The following GABRR1 variants were observed in gnomAD, a reference collection of about 807,000 sequenced individuals.
The protein encoded by GABRR1 is gamma-aminobutyric acid receptor subunit rho-1.
Under a neutral mutation model 55.5 loss-of-function variants are expected in GABRR1, and 59 were observed. That is an observed-to-expected ratio of 1.06 (90% CI 0.86 to 1.32). GABRR1 has a LOEUF of 1.32. Ranked by LOEUF, GABRR1 falls within the 40% of genes most tolerant of loss-of-function variation. The pLI is 0.00. For synonymous variants in GABRR1, 213 were observed against 226.0 expected (o/e 0.94, Z 0.51); for missense variants, 602 against 619.1 (o/e 0.97, Z 0.29).
At chr6:89,222,481 G>A (rs927865511) in intron 1 of GABRR1, among the ~76,000 whole-genome samples, 3 of 152,196 alleles carry the variant, frequency 2.0e-5, no homozygotes, top group African/African-American at 4.8e-5. Context: ...ACATCAGTCA[G>A]ACCGTTAATA....
chr6:89,180,262 C>T (rs768636581), intron 9 of GABRR1, 30 bp downstream of exon 9: 3 of 1,558,720 alleles, frequency 1.9e-6, no homozygotes, highest in Non-Finnish European at 2.6e-6. Flanking sequence ...TCCATCCTGA[C>T]CAGACACTAT....
intron 5 of GABRR1, among the ~76,000 whole-genome samples, chr6:89,191,883 A>G (rs112149817): frequency 6.6e-6 from 1 of 152,046 alleles, no homozygotes; most frequent in African/African-American, 2.4e-5. Context: ...AGCTAAGATA[A>G]AAGTTGGCAT....
intron 9 of GABRR1, 128 bp downstream of exon 9, chr6:89,180,164 C>A: frequency 1.0e-6 from 1 of 958,916 alleles, no homozygotes; most frequent in Non-Finnish European, 1.5e-6. Context: ...TTCACAACAA[C>A]CCTGTGAAGT....
chr6:89,184,240 TC>T (rs1771820492), intron 7 of GABRR1, among the ~76,000 whole-genome samples: 1 of 117,296 alleles, frequency 8.5e-6, no homozygotes, highest in African/African-American at 3.6e-5. Context: ...AGAGTGAGAC[TC>T]CGTCTCAAAA....
intron 1 of GABRR1, among the ~76,000 whole-genome samples, chr6:89,213,332 T>C (rs1228839920): frequency 6.6e-6 from 1 of 152,214 alleles, no homozygotes; most frequent in Non-Finnish European, 1.5e-5. Flanking sequence ...GGAGTCTGGA[T>C]GAAATTAAGT....
At chr6:89,216,856 A>G (rs1301033401) in intron 1 of GABRR1, among the ~76,000 whole-genome samples, 1 of 152,230 alleles carries the variant, frequency 6.6e-6, no homozygotes, top group African/African-American at 2.4e-5. Flanking sequence ...GAGAATTCAC[A>G]GAGTTGTTCT....
At chr6:89,179,559 TC>T (rs1292030962) in intron 9 of GABRR1, among the ~76,000 whole-genome samples, 1 of 152,184 alleles carries the variant, frequency 6.6e-6, no homozygotes, top group African/African-American at 2.4e-5. Flanking sequence ...ACATACTGAC[TC>T]TTAGAAAATA....
chr6:89,210,289 G>A (rs919467305), intron 1 of GABRR1, among the ~76,000 whole-genome samples: 3 of 148,294 alleles, frequency 2.0e-5, no homozygotes, highest in Admixed American at 6.9e-5. Flanking sequence ...GACCTCCCAG[G>A]CTCAAGTGAT....
intron 5 of GABRR1, among the ~76,000 whole-genome samples, chr6:89,192,607 G>GT (rs1247416726): frequency 1.4e-5 from 2 of 146,246 alleles, no homozygotes; most frequent in Non-Finnish European, 3.0e-5. Context: ...CTGTCGCCCA[G>GT]GCTGGAGTGC....
chr6:89,230,558 T>C (rs1773267697), intron 1 of GABRR1, among the ~76,000 whole-genome samples: 1 of 152,226 alleles, frequency 6.6e-6, no homozygotes, highest in Non-Finnish European at 1.5e-5. Flanking sequence ...TGGGGGTGCC[T>C]CCCAGTTAGG....
At chr6:89,206,060 C>G (rs1344692127) in intron 1 of GABRR1, among the ~76,000 whole-genome samples, 1 of 152,030 alleles carries the variant, frequency 6.6e-6, no homozygotes, top group African/African-American at 2.4e-5. Flanking sequence ...CCAGTCCTGG[C>G]TGACCTCCTT....
rs1049480073 is a variant in GABRR1 at position 89,180,353 on chromosome 6, T to C, written c.1085A>G (p.Tyr362Cys). The C allele has an allele frequency of 2.9e-5, 46 of 1,613,728 alleles. 1 individual carries two copies. In the Admixed American group the frequency reaches 7.2e-4, roughly 25 times the overall value. Reference protein sequence around the residue: ...FVFVFLSVLEYAAVNYLTTVQ... With the variant: ...FVFVFLSVLECAAVNYLTTVQ... ...AGTGGTCAGGTAGTTGACGGCCGCA[T>C]ACTCCAGCACCGAGAGGAACACGAA... is the stretch of plus-strand genomic sequence containing the variant. The change falls in exon 9 of 10, where the codon TAT (tyrosine) becomes TGT (cysteine). Residue 362 changes from tyrosine (Y) to cysteine (C), a missense_variant. This residue lies in a region of GABRR1 where 28 missense variants were observed against 53.9 expected (regional missense o/e 0.52). Coordinates refer to ENST00000454853, the MANE Select transcript of GABRR1 (RefSeq NM_002042.5).
At chr6:89,193,534 A>G (rs1015451119) in intron 5 of GABRR1, among the ~76,000 whole-genome samples, 2 of 152,142 alleles carry the variant, frequency 1.3e-5, no homozygotes, top group East Asian at 1.9e-4. Flanking sequence ...TGAACATACA[A>G]AAGATTTTCT....
At position 89,195,707 on chromosome 6, in the gene GABRR1, A is replaced by G. The variant is rs385159; in HGVS notation, c.572+2313T>C. ...AAACAAAAGTAAAAAATACTCATCA[A>G]TTCCTAAGTATTTCACCACATTTTA... On this transcript the variant is annotated intron_variant, in intron 5 of 9. Coordinates refer to ENST00000454853, the MANE Select transcript of GABRR1 (RefSeq NM_002042.5). 4.0e-5 allele frequency among the ~76,000 whole-genome samples: 6 copies of G among 151,640 alleles called. No homozygotes were observed. The East Asian group carries it at 1.2e-3, about 30-fold the overall frequency.
Position 89,198,224 on chromosome 6 carries a change from T to C in GABRR1, c.368A>G (p.Tyr123Cys). The change falls in exon 5 of 10, where the codon TAC becomes TGC. Residue 123 changes from tyrosine to cysteine, a missense_variant. Tyr to Cys is a radical substitution (Grantham distance 194). Coordinates refer to ENST00000454853, the MANE Select transcript of GABRR1 (RefSeq NM_002042.5). ...CTCGTCCTTCCAGTAGTGCCTCAGGTAGAGGGTCATCGTAAAGTCCTGGGA... is the reference window on the plus strand; with the variant it reads ...CTCGTCCTTCCAGTAGTGCCTCAGGCAGAGGGTCATCGTAAAGTCCTGGGA... ...EVDMDFTMTL[Y>C]LRHYWKDERL... 1.9e-6 allele frequency: 3 copies of C among 1,613,632 alleles called. No individual in the cohort carries two copies. The highest frequency in any genetic ancestry group is 2.5e-6 in the Non-Finnish European group (3 of 1,179,884).
At chr6:89,212,176 A>C (rs1582404688) in intron 1 of GABRR1, 1 of 634,344 alleles carries the variant, frequency 1.6e-6, no homozygotes, top group Non-Finnish European at 1.9e-6. Flanking sequence ...CAATCCAAAG[A>C]CCTGCCGAAC....
At chr6:89,224,806 A>G (rs1236571913) in intron 1 of GABRR1, among the ~76,000 whole-genome samples, 1 of 151,874 alleles carries the variant, frequency 6.6e-6, no homozygotes, top group Non-Finnish European at 1.5e-5. Context: ...TCCCCAAGAC[A>G]GGGTCTTGCT....
At chr6:89,204,696 T>G in intron 1 of GABRR1, 1 of 1,279,410 alleles carries the variant, frequency 7.8e-7, no homozygotes, top group Non-Finnish European at 1.0e-6. Context: ...GCCTCGATTC[T>G]AGCCAAGAGA....
rs148311351 is a variant in GABRR1 at position 89,207,433 on chromosome 6, G to C, written c.123-3948C>G. Among the ~76,000 whole-genome samples, 315 of 152,210 alleles carry C rather than the reference G, an allele frequency of 2.1e-3. 1 individual carries two copies. The highest frequency in any genetic ancestry group is 7.3e-3 in the African/African-American group (302 of 41,504). On this transcript the variant is annotated intron_variant, in intron 1 of 9. Transcript: ENST00000454853. ...TGGTCTTGAACCCCTGAGCTCAAGCGATCTGCCCGCCTCGGCCTCCCAAAA... is the reference window on the plus strand; with the variant it reads ...TGGTCTTGAACCCCTGAGCTCAAGCCATCTGCCCGCCTCGGCCTCCCAAAA...
Sources: allele counts gnomAD v4.1 joint callset (sites outside exome capture counted in the v4.1 genomes callset), GRCh38; gene constraint gnomAD v4.1.1; regional missense constraint gnomAD v4.1.1; transcripts MANE v1.5; gene names NCBI Gene and HGNC (gene_info 2026-07-23, HGNC 2026-07-21).